PDE10A: variants seen among roughly 807,000 people sequenced by gnomAD.
The protein encoded by PDE10A is phosphodiesterase 10A.
PDE10A carries 39 observed loss-of-function variants against 97.7 expected under a neutral mutation model. That is an observed-to-expected ratio of 0.40 (90% CI 0.31 to 0.52). The LOEUF is 0.52. Among genes scored for constraint, PDE10A ranks in the 20% least tolerant of loss-of-function variants. The probability of loss-of-function intolerance (pLI) is 0.56; values close to 1 mark genes in which losing one functional copy is unlikely to be tolerated. For missense variants in PDE10A, 731 were observed against 1,047.8 expected (o/e 0.70, Z 4.17); for synonymous variants, 371 against 376.8 (o/e 0.98, Z 0.18).
At chr6:165,486,374 G>A (rs1369171035) in intron 2 of PDE10A, among the ~76,000 whole-genome samples, 1 of 152,126 alleles carries the variant, frequency 6.6e-6, no homozygotes, top group African/African-American at 2.4e-5. Flanking sequence ...TGGCTTTCTG[G>A]TTTCACTACT....
At chr6:165,902,526 C>T (rs1562790443) in intron 1 of PDE10A, among the ~76,000 whole-genome samples, 1 of 152,186 alleles carries the variant, frequency 6.6e-6, no homozygotes, top group Non-Finnish European at 1.5e-5. Context: ...ATTCCCAATA[C>T]TCCCTCACAG....
rs80329358 is a variant in PDE10A at position 165,600,284 on chromosome 6, G to A, written c.866-56716C>T. Among the ~76,000 whole-genome samples, 510 of 152,314 alleles carry A rather than the reference G, an allele frequency of 3.3e-3. 1 individual carries two copies. Among genetic ancestry groups the A allele is most frequent in the African/African-American group, 0.011 (476 of 41,568 alleles). ...AGCCCTTCCAAGATGCTTACCACCC[G>A]GGAGAGGGAGAGTGGCCAGCCAGGG... On this transcript the variant is annotated intron_variant, in intron 1 of 21. Transcript: ENST00000539869.
Position 165,379,346 on chromosome 6 carries a change from G to A in PDE10A, c.2631C>T (p.Phe877=), listed in dbSNP as rs979001451. 2.5e-6 allele frequency: 4 copies of A among 1,613,018 alleles called. No individual in the cohort carries two copies. The highest frequency in any genetic ancestry group is 3.4e-6 in the Non-Finnish European group (4 of 1,179,574). ...CATATTCACTGGAGCTCAGAGTGGA[G>A]AAGATATTGTGCCCTTCCAACTAGG... is the stretch of plus-strand genomic sequence containing the variant. ...SILQLEGHNI[F]STLSSSEYEQ... Residue 877 remains phenylalanine (F), a synonymous_variant, in exon 18 of 22, where the codon TTC becomes TTT. Coordinates refer to ENST00000539869, the MANE Select transcript of PDE10A (RefSeq NM_001385079.1).
chr6:165,646,835 T>C (rs996522235), intron 1 of PDE10A, among the ~76,000 whole-genome samples: 2 of 152,242 alleles, frequency 1.3e-5, no homozygotes, highest in Non-Finnish European at 2.9e-5. Flanking sequence ...CCAACCATTT[T>C]TGAGAAGTAC....
chr6:165,381,631 A>ATTTTTTTTTTTTTTT (rs547827126), intron 17 of PDE10A, among the ~76,000 whole-genome samples: 1 of 118,686 alleles, frequency 8.4e-6, no homozygotes. Context: ...CACCTGGCTA[A>ATTTTTTTTTTTTTTT]TTTTTTTTTT....
chr6:165,510,222 T>C (rs961866180), intron 2 of PDE10A, among the ~76,000 whole-genome samples: 1 of 152,018 alleles, frequency 6.6e-6, no homozygotes, highest in East Asian at 1.9e-4. Context: ...CTGGCATATA[T>C]GGTTTTTATT....
At chr6:165,843,580 C>A (rs76500547) in intron 1 of PDE10A, among the ~76,000 whole-genome samples, 4,360 of 152,248 alleles carry the variant, frequency 0.029, 212 homozygotes, top group African/African-American at 0.099. Flanking sequence ...GACGGACAGG[C>A]TCCCTGAAGC....
At chr6:165,934,209 A>T (rs1353602350) in intron 1 of PDE10A, among the ~76,000 whole-genome samples, 1 of 135,278 alleles carries the variant, frequency 7.4e-6, no homozygotes, top group African/African-American at 2.9e-5. Flanking sequence ...CATGTTGGCC[A>T]GCCTGGTCTT....
At chr6:165,387,830 T>C (rs1042915393) in intron 17 of PDE10A, among the ~76,000 whole-genome samples, 3 of 152,236 alleles carry the variant, frequency 2.0e-5, no homozygotes, top group African/African-American at 7.2e-5. Flanking sequence ...TGAAGTGATG[T>C]CTGTGATTGT....
intron 1 of PDE10A, among the ~76,000 whole-genome samples, chr6:165,943,389 A>G (rs1783652749): frequency 6.6e-6 from 1 of 151,404 alleles, no homozygotes; most frequent in South Asian, 2.1e-4. Flanking sequence ...CGAACTGAGT[A>G]TACAGATCTA....
At chr6:165,631,830 G>A (rs1024102235) in intron 1 of PDE10A, among the ~76,000 whole-genome samples, 1 of 151,712 alleles carries the variant, frequency 6.6e-6, no homozygotes, top group East Asian at 2.0e-4. Context: ...CACAAAAATG[G>A]AAAATAAACG....
chr6:165,736,334 T>A (rs1258418244), intron 1 of PDE10A, among the ~76,000 whole-genome samples: 2 of 152,024 alleles, frequency 1.3e-5, no homozygotes, highest in Non-Finnish European at 2.9e-5. Flanking sequence ...GGAATCCAGG[T>A]GAGAAATATG....
At chr6:165,567,162 C>T (rs1364995949) in intron 1 of PDE10A, among the ~76,000 whole-genome samples, 2 of 152,080 alleles carry the variant, frequency 1.3e-5, no homozygotes, top group Non-Finnish European at 2.9e-5. Flanking sequence ...GTGAAGTACA[C>T]AAACATAATG....
intron 1 of PDE10A, among the ~76,000 whole-genome samples, chr6:165,619,346 A>AGTGTAGTGTAGTCTAGTGTAGTGTG (rs1787931347): frequency 6.7e-6 from 1 of 149,792 alleles, no homozygotes; most frequent in Non-Finnish European, 1.5e-5. Context: ...AGTGTAGTCT[A>AGTGTAGTGTAGTCTAGTGTAGTGTG]GTGTAGTGTA....
At chr6:165,823,524 ATG>A (rs1779639407) in intron 1 of PDE10A, among the ~76,000 whole-genome samples, 1 of 79,478 alleles carries the variant, frequency 1.3e-5, no homozygotes, top group African/African-American at 3.8e-5. Context: ...ATATATATAT[ATG>A]AACCTTAATT....
intron 1 of PDE10A, among the ~76,000 whole-genome samples, chr6:165,808,374 G>A (rs1233309733): frequency 6.6e-6 from 1 of 152,108 alleles, no homozygotes; most frequent in African/African-American, 2.4e-5. Flanking sequence ...AAGGAGTGAA[G>A]CGATTCACAC....
chr6:165,912,770 A>G (rs767520830), intron 1 of PDE10A, among the ~76,000 whole-genome samples: 1 of 152,220 alleles, frequency 6.6e-6, no homozygotes, highest in African/African-American at 2.4e-5. Flanking sequence ...GCTATGTATT[A>G]CTCAGTGGAT....
At chr6:165,919,674 T>C (rs767455961) in intron 1 of PDE10A, among the ~76,000 whole-genome samples, 2 of 152,246 alleles carry the variant, frequency 1.3e-5, no homozygotes, top group African/African-American at 4.8e-5. Context: ...AGAAATAAGC[T>C]GCAGCCTGGA....
rs187047645 is a variant in PDE10A at position 165,341,665 on chromosome 6, G to A, written c.2895+1726C>T. Among the ~76,000 whole-genome samples, 20 of 152,250 alleles carry A rather than the reference G, an allele frequency of 1.3e-4. 1 individual carries two copies. In the South Asian group the frequency reaches 3.7e-3, roughly 28 times the overall value. On this transcript the variant is annotated intron_variant, in intron 19 of 21. Transcript: ENST00000539869. ...AGCTGCAGACTTCAGTCTAGGGAAC[G>A]TATCAAGCAACTCAACTTTTTCTTG...
Sources: allele counts gnomAD v4.1 joint callset (sites outside exome capture counted in the v4.1 genomes callset), GRCh38; gene constraint gnomAD v4.1.1; transcripts MANE v1.5; gene names NCBI Gene and HGNC (gene_info 2026-07-23, HGNC 2026-07-21).